Variants in MKX observed in about 807,000 individuals in gnomAD.
The protein encoded by MKX is mohawk homeobox.
MKX carries 13 observed loss-of-function variants against 36.0 expected under a neutral mutation model. The observed-to-expected ratio is 0.36, with a 90% confidence interval of 0.24 to 0.57. MKX has a LOEUF of 0.57. Ranked by LOEUF, MKX falls within the 20% of genes least tolerant of loss-of-function variation. The pLI is 0.79. For missense variants in MKX, 458 were observed against 456.4 expected, an observed-to-expected ratio of 1.00 and a Z score of -0.03; for synonymous variants, 176 against 178.3, an observed-to-expected ratio of 0.99 and a Z score of 0.10.
At chr10:27,743,105 T>A in intron 2 of MKX, 123 bp downstream of exon 2, 1 of 951,484 alleles carries the variant, frequency 1.1e-6, no homozygotes, top group Non-Finnish European at 1.4e-6. Context: ...AGACCTGCAC[T>A]CCCAGGGAAC....
chr10:27,741,335 T>A lies in MKX; in HGVS notation c.348+10A>T. The A allele has an allele frequency of 1.2e-6, 2 of 1,611,962 alleles. No individual in the cohort carries two copies. The highest frequency in any genetic ancestry group is 2.2e-5 in the South Asian group (2 of 90,602). ...GAAAACGGATCAGGGTGTTAATGGGTCCTGATTACCTGCACTAGCGTCATC... is the reference window on the plus strand; with the variant it reads ...GAAAACGGATCAGGGTGTTAATGGGACCTGATTACCTGCACTAGCGTCATC... On this transcript the variant is annotated intron_variant, in intron 3 of 6. Coordinates refer to ENST00000419761, the MANE Select transcript of MKX (RefSeq NM_173576.3). This position sits in a 1 kb window ranked among gnomAD's most constrained non-coding sequence, Gnocchi z 5.1.
chr10:27,682,578 G>A (rs1380494257), intron 5 of MKX, among the ~76,000 whole-genome samples: 2 of 152,280 alleles, frequency 1.3e-5, no homozygotes, highest in East Asian at 3.9e-4. Context: ...TTTGGCACCA[G>A]GGCCTGGTTT....
intron 5 of MKX, among the ~76,000 whole-genome samples, chr10:27,733,189 G>A (rs1469027899): frequency 6.6e-6 from 1 of 152,104 alleles, no homozygotes; most frequent in Non-Finnish European, 1.5e-5. Flanking sequence ...GAGAAAATGA[G>A]GTTGATTTAA....
At chr10:27,711,494 TCTTCTTTCCTTC>T (rs1836864567) in intron 5 of MKX, among the ~76,000 whole-genome samples, 4 of 34,152 alleles carry the variant, frequency 1.2e-4, no homozygotes, top group African/African-American at 5.7e-4. Context: ...TCTCTCTCTC[TCTTCTTTCCTTC>T]CTTCCTTCCT....
At position 27,700,420 on chromosome 10, in the gene MKX, A is replaced by G. The variant is rs1040059627; in HGVS notation, c.839-24866T>C. 3.9e-5 allele frequency among the ~76,000 whole-genome samples: 6 copies of G among 152,318 alleles called. No individual in the cohort carries two copies. The East Asian group carries it at 1.2e-3, about 29-fold the overall frequency. On this transcript the variant is annotated intron_variant, in intron 5 of 6. Transcript: ENST00000419761. ...GTTACCTAAATTATTTCCAGAGACT[A>G]CATCTTGGAGTAATGTTTACACTAT...
chr10:27,675,061 T>A lies in MKX; in HGVS notation c.*168A>T, dbSNP rs1836119080. 1 of 540,848 alleles carries A rather than the reference T, an allele frequency of 1.8e-6. No homozygotes were observed. The highest frequency in any genetic ancestry group is 3.1e-5 in the East Asian group (1 of 32,086). The allele number at this position is 540,848 out of a possible 1,614,324, so 33.5% of individuals were successfully genotyped here. ...ATATTTTTGATTAAAATGAGTTTTT[T>A]ATAATTTATATGTCTTTTATAGAAG... On this transcript the variant is annotated 3_prime_UTR_variant, in exon 7 of 7. Coordinates refer to ENST00000419761, the MANE Select transcript of MKX (RefSeq NM_173576.3).
At chr10:27,698,441 G>A (rs1564350997) in intron 5 of MKX, among the ~76,000 whole-genome samples, 3 of 152,164 alleles carry the variant, frequency 2.0e-5, no homozygotes, top group Non-Finnish European at 2.9e-5. Context: ...AGTAGCAGGG[G>A]GGATGGAAAG....
At chr10:27,699,218 T>A (rs1836609323) in intron 5 of MKX, among the ~76,000 whole-genome samples, 2 of 152,194 alleles carry the variant, frequency 1.3e-5, no homozygotes, top group South Asian at 4.1e-4. Context: ...TACTAATCCA[T>A]CTTTTACCAA....
At chr10:27,710,276 A>G (rs1836828608) in intron 5 of MKX, among the ~76,000 whole-genome samples, 1 of 152,218 alleles carries the variant, frequency 6.6e-6, no homozygotes, top group African/African-American at 2.4e-5. Context: ...CTGCAATGAA[A>G]AAGTTGAAGA....
intron 5 of MKX, among the ~76,000 whole-genome samples, chr10:27,714,177 C>T (rs1404684662): frequency 1.3e-5 from 2 of 152,126 alleles, no homozygotes; most frequent in Non-Finnish European, 2.9e-5. Context: ...CAGAAATTCA[C>T]AGTCGCTTCT....
intron 5 of MKX, among the ~76,000 whole-genome samples, chr10:27,718,227 A>G (rs1836998961): frequency 6.6e-6 from 1 of 152,236 alleles, no homozygotes; most frequent in Admixed American, 6.5e-5. Context: ...AAGAAAAAGA[A>G]GAAATAATAA....
At chr10:27,733,566 T>C (rs1834680818) in intron 5 of MKX, among the ~76,000 whole-genome samples, 1 of 152,240 alleles carries the variant, frequency 6.6e-6, no homozygotes, top group Non-Finnish European at 1.5e-5. Context: ...CTGGGTTTTC[T>C]TATCTGTGAT....
At chr10:27,684,561 T>C (rs1230059947) in intron 5 of MKX, among the ~76,000 whole-genome samples, 1 of 152,202 alleles carries the variant, frequency 6.6e-6, no homozygotes, top group Non-Finnish European at 1.5e-5. Context: ...ATAACCTGCA[T>C]TTTCTACTGA....
intron 5 of MKX, among the ~76,000 whole-genome samples, chr10:27,703,140 G>C (rs1465834457): frequency 6.6e-6 from 1 of 152,138 alleles, no homozygotes; most frequent in East Asian, 1.9e-4. Flanking sequence ...GGGAAGTCCA[G>C]TTTTTTAATT....
intron 5 of MKX, among the ~76,000 whole-genome samples, chr10:27,679,651 A>G (rs916860797): frequency 6.6e-6 from 1 of 152,198 alleles, no homozygotes; most frequent in Non-Finnish European, 1.5e-5. Context: ...CAAGGACTCT[A>G]AAGATCTGGG....
intron 5 of MKX, among the ~76,000 whole-genome samples, chr10:27,691,668 A>T (rs1315612453): frequency 1.3e-5 from 2 of 152,222 alleles, no homozygotes; most frequent in Non-Finnish European, 2.9e-5. Context: ...TAGTGAGCAC[A>T]GTACCCGATA....
rs1305463199 is a variant in MKX at position 27,674,941 on chromosome 10, T to C, written c.*288A>G. The C allele has an allele frequency of 3.6e-6, 1 of 274,012 alleles. No homozygotes were observed. Among genetic ancestry groups the C allele is most frequent in the African/African-American group, 2.2e-5 (1 of 44,890 alleles). The allele number at this position is 274,012 out of a possible 1,614,324, so 17.0% of individuals were successfully genotyped here. ...TTTTGAGGCATAGCTTGTTCAACTA[T>C]GCCCACGTTGGAGCTTATTGTCGGG... On this transcript the variant is annotated 3_prime_UTR_variant, in exon 7 of 7. Coordinates refer to ENST00000419761, the MANE Select transcript of MKX (RefSeq NM_173576.3).
intron 5 of MKX, among the ~76,000 whole-genome samples, chr10:27,677,330 T>A (rs908922123): frequency 1.3e-5 from 2 of 152,108 alleles, no homozygotes; most frequent in Non-Finnish European, 2.9e-5. Context: ...ACCCAATATT[T>A]CTCACAATTT....
rs1474028883 is a variant in MKX at position 27,741,556 on chromosome 10, C to T, written c.189-52G>A. 22 of 1,517,266 alleles carry T rather than the reference C, an allele frequency of 1.4e-5. No individual in the cohort carries two copies. Among genetic ancestry groups the T allele is most frequent in the Admixed American group, 2.2e-5 (1 of 44,704 alleles). The allele number at this position is 1,517,266 out of a possible 1,614,324, so 94.0% of individuals were successfully genotyped here. On this transcript the variant is annotated intron_variant, in intron 2 of 6. Transcript: ENST00000419761. This position sits in a 1 kb window ranked among gnomAD's most constrained non-coding sequence, Gnocchi z 5.1. ...CTGGTGAGCGACGCGTTTGCCCGCC[C>T]GGACGCTCCACGCCCCGGCCAAGCC...
Sources: gnomAD v4.1 joint callset for allele counts (sites outside exome capture counted in the v4.1 genomes callset) on GRCh38, gnomAD v4.1.1 for gene constraint, Gnocchi (gnomAD v3.1) non-coding constraint, MANE v1.5 for transcripts, NCBI Gene and HGNC (gene_info 2026-07-23, HGNC 2026-07-21) for gene names.